The following DPP10 variants were observed in gnomAD, a reference collection of about 807,000 sequenced individuals.
DPP10 encodes inactive dipeptidyl peptidase 10.
A neutral mutation model predicts 120.9 loss-of-function variants in DPP10; 33 were observed. The observed-to-expected ratio is 0.27, with a 90% CI of 0.21 to 0.37. DPP10 has a LOEUF of 0.37. DPP10 is among the 10% of genes least tolerant of loss of function. DPP10 has a pLI of 1.00. For synonymous variants in DPP10, 337 were observed against 326.1 expected, an observed-to-expected ratio of 1.03 and a Z score of -0.36; for missense variants, 816 against 942.8, an observed-to-expected ratio of 0.87 and a Z score of 1.76.
intron 21 of DPP10, among the ~76,000 whole-genome samples, chr2:115,819,161 A>G (rs1014383361): frequency 6.6e-6 from 1 of 152,248 alleles, no homozygotes; most frequent in Non-Finnish European, 1.5e-5. Context: ...ACTAGACTAT[A>G]AAGAAATTTG....
At chr2:114,521,868 C>T (rs1183204267) in intron 1 of DPP10, among the ~76,000 whole-genome samples, 10 of 137,794 alleles carry the variant, frequency 7.3e-5, no homozygotes, top group South Asian at 7.0e-4. Flanking sequence ...AGTGCAGTGG[C>T]GCAATCTCGG....
chr2:114,957,264 A>C (rs1026285268), intron 1 of DPP10, among the ~76,000 whole-genome samples: 5 of 151,930 alleles, frequency 3.3e-5, no homozygotes, highest in African/African-American at 7.2e-5. Flanking sequence ...AAAATGGGCA[A>C]GGGATCTGAA....
At chr2:115,014,154 G>A (rs569296611) in intron 1 of DPP10, among the ~76,000 whole-genome samples, 12 of 152,120 alleles carry the variant, frequency 7.9e-5, no homozygotes, top group African/African-American at 1.4e-4. Flanking sequence ...CTCTCACACC[G>A]CAGTGCAATC....
Position 114,581,475 on chromosome 2 carries a change from G to A in DPP10, c.60+138637G>A, listed in dbSNP as rs141464724. ...TGAGATTACAGGCATGAGCCACCAC[G>A]CCCAGCCAAAATATAAAACATTATT... On this transcript the variant is annotated intron_variant, in intron 1 of 25. Coordinates refer to ENST00000410059, the MANE Select transcript of DPP10 (RefSeq NM_020868.6). 6.3e-3 allele frequency among the ~76,000 whole-genome samples: 962 copies of A among 152,034 alleles called. 9 individuals are homozygous for A. Among genetic ancestry groups the A allele is most frequent in the African/African-American group, 0.022 (931 of 41,450 alleles).
intron 3 of DPP10, among the ~76,000 whole-genome samples, chr2:115,383,068 A>G (rs1287251564): frequency 6.6e-6 from 1 of 152,248 alleles, no homozygotes; most frequent in Non-Finnish European, 1.5e-5. Context: ...AAGGAACACT[A>G]TCAAAGATAA....
intron 1 of DPP10, among the ~76,000 whole-genome samples, chr2:114,570,023 C>T (rs868420425): frequency 4.6e-5 from 7 of 152,100 alleles, no homozygotes; most frequent in African/African-American, 1.7e-4. Flanking sequence ...AAACTAGTCT[C>T]TGTGTTTCTT....
intron 1 of DPP10, among the ~76,000 whole-genome samples, chr2:114,951,347 A>G (rs910579263): frequency 2.0e-5 from 3 of 152,212 alleles, no homozygotes; most frequent in Non-Finnish European, 2.9e-5. Flanking sequence ...CAAGGAATTT[A>G]TAATATGAAT....
intron 19 of DPP10, among the ~76,000 whole-genome samples, chr2:115,793,883 A>G (rs1684257732): frequency 6.6e-6 from 1 of 152,126 alleles, no homozygotes; most frequent in African/African-American, 2.4e-5. Flanking sequence ...TTATACTTAC[A>G]ATATGATCTA....
intron 1 of DPP10, among the ~76,000 whole-genome samples, chr2:114,790,390 A>G (rs1197045284): frequency 1.3e-5 from 2 of 152,204 alleles, no homozygotes; most frequent in East Asian, 3.8e-4. Context: ...AGACAAGAGT[A>G]CAGATAAGAT....
At chr2:114,940,064 A>T (rs747945771) in intron 1 of DPP10, among the ~76,000 whole-genome samples, 15 of 152,114 alleles carry the variant, frequency 9.9e-5, no homozygotes, top group Non-Finnish European at 1.9e-4. Context: ...TTGTTTATGT[A>T]TTCTGCCAAC....
At chr2:114,615,003 A>G (rs1346812257) in intron 1 of DPP10, among the ~76,000 whole-genome samples, 1 of 152,164 alleles carries the variant, frequency 6.6e-6, no homozygotes, top group Non-Finnish European at 1.5e-5. Flanking sequence ...AAACTAACAT[A>G]TATGCACATC....
At chr2:115,363,236 T>C (rs2064888357) in intron 3 of DPP10, among the ~76,000 whole-genome samples, 4 of 152,218 alleles carry the variant, frequency 2.6e-5, no homozygotes, top group Admixed American at 2.6e-4. Context: ...AATTATTTAA[T>C]TTGTCTCTGT....
chr2:115,750,150 A>G, intron 10 of DPP10: 2 of 985,422 alleles, frequency 2.0e-6, no homozygotes, highest in Non-Finnish European at 2.4e-6. Context: ...CCAGGAGGAC[A>G]GCTACATCTG....
At chr2:115,032,951 C>T (rs549606288) in intron 1 of DPP10, among the ~76,000 whole-genome samples, 28 of 151,246 alleles carry the variant, frequency 1.9e-4, no homozygotes, top group Non-Finnish European at 4.0e-4. Flanking sequence ...ACTTTATAAA[C>T]GTTTTTTATC....
chr2:114,529,494 A>G (rs1023963576), intron 1 of DPP10, among the ~76,000 whole-genome samples: 1 of 151,954 alleles, frequency 6.6e-6, no homozygotes, highest in Non-Finnish European at 1.5e-5. Context: ...CTGCTTCTCC[A>G]TTGTCATCTC....
chr2:114,663,664 T>TAGAGAGAGAGAGAGAGAG (rs1374317856), intron 1 of DPP10, among the ~76,000 whole-genome samples: 95 of 95,400 alleles, frequency 1.0e-3, no homozygotes, highest in African/African-American at 2.5e-3. Flanking sequence ...TATATATATA[T>TAGAGAGAGAGAGAGAGAG]ATATAGAGAG....
chr2:115,510,810 T>G (rs2077183579), intron 4 of DPP10, among the ~76,000 whole-genome samples: 1 of 152,204 alleles, frequency 6.6e-6, no homozygotes, highest in Admixed American at 6.6e-5. Context: ...TTATTCAGTT[T>G]CTTAAAAGAA....
intron 1 of DPP10, among the ~76,000 whole-genome samples, chr2:115,188,676 G>T (rs1014822715): frequency 1.3e-5 from 2 of 152,096 alleles, no homozygotes; most frequent in Non-Finnish European, 2.9e-5. Flanking sequence ...AAATCCAAAA[G>T]TAGTGAATAC....
chr2:114,619,147 A>G (rs1293115535), intron 1 of DPP10, among the ~76,000 whole-genome samples: 2 of 151,980 alleles, frequency 1.3e-5, no homozygotes, highest in East Asian at 3.9e-4. Flanking sequence ...ACCTTATGAC[A>G]ATTGGGAACA....
Sources: gnomAD v4.1 joint callset for allele counts (sites outside exome capture counted in the v4.1 genomes callset) on GRCh38, gnomAD v4.1.1 for gene constraint, MANE v1.5 for transcripts, NCBI Gene and HGNC (gene_info 2026-07-23, HGNC 2026-07-21) for gene names.